Variants in LNPK observed in about 807,000 individuals in gnomAD.
LNPK encodes endoplasmic reticulum junction formation protein lunapark.
A neutral mutation model predicts 55.2 loss-of-function variants in LNPK; 29 were observed. That is an observed-to-expected ratio of 0.53 (90% CI 0.39 to 0.72). The LOEUF (loss-of-function observed/expected upper bound fraction) is 0.72, where lower values mean the gene tolerates loss of function less well. LNPK is among the 30% of genes least tolerant of loss of function. The probability of loss-of-function intolerance (pLI) is 0.00; values close to 1 mark genes in which losing one functional copy is unlikely to be tolerated. For missense variants in LNPK, 467 were observed against 494.8 expected, an observed-to-expected ratio of 0.94 and a Z score of 0.53; for synonymous variants, 162 against 168.2, an observed-to-expected ratio of 0.96 and a Z score of 0.29.
chr2:175,932,745 A>C (rs1191267284), intron 12 of LNPK, among the ~76,000 whole-genome samples: 2 of 152,234 alleles, frequency 1.3e-5, no homozygotes, highest in Non-Finnish European at 2.9e-5. Context: ...AAGATTATTT[A>C]ATGTGTTACA....
intron 4 of LNPK, among the ~76,000 whole-genome samples, chr2:175,985,333 C>A (rs1047167204): frequency 2.6e-5 from 4 of 152,082 alleles, no homozygotes; most frequent in Non-Finnish European, 5.9e-5. Context: ...AATATAAAAC[C>A]CACTCAAAGG....
chr2:175,933,403 T>C (rs1163636485), intron 12 of LNPK, among the ~76,000 whole-genome samples: 1 of 152,200 alleles, frequency 6.6e-6, no homozygotes, highest in African/African-American at 2.4e-5. Flanking sequence ...CAACTTCATA[T>C]ATTTTTGCCT....
chr2:175,924,485 A>AT lies in LNPK; in HGVS notation c.*5481dup, dbSNP rs35213265. The AT allele has an allele frequency of 6.6e-6, 1 of 152,152 alleles. No homozygotes were observed. Among genetic ancestry groups the AT allele is most frequent in the African/African-American group, 2.4e-5 (1 of 41,434 alleles). The allele number at this position is 152,152 out of a possible 1,614,324, so 9.4% of individuals were successfully genotyped here. On this transcript the variant is annotated 3_prime_UTR_variant, in exon 13 of 13. Coordinates refer to ENST00000272748, the MANE Select transcript of LNPK (RefSeq NM_030650.3). ...AAACTTTATGTAACCTTCAGGTTGTATTTTTTAAATAACCTTAAATGCTGA... is the reference window on the plus strand; with the variant it reads ...AAACTTTATGTAACCTTCAGGTTGTATTTTTTTAAATAACCTTAAATGCTGA...
intron 1 of LNPK, among the ~76,000 whole-genome samples, chr2:176,000,732 T>C (rs1269579946): frequency 6.6e-6 from 1 of 152,208 alleles, no homozygotes; most frequent in Admixed American, 6.5e-5. Flanking sequence ...TATTATACTA[T>C]ACAATTGAAG....
At chr2:175,997,111 G>A (rs1023942371) in intron 1 of LNPK, among the ~76,000 whole-genome samples, 1 of 152,080 alleles carries the variant, frequency 6.6e-6, no homozygotes, top group Non-Finnish European at 1.5e-5. Flanking sequence ...AGCTATCTTG[G>A]AGTTTCTCAG....
chr2:175,934,199 T>C (rs912742978), intron 12 of LNPK, among the ~76,000 whole-genome samples: 3 of 152,176 alleles, frequency 2.0e-5, no homozygotes, highest in Non-Finnish European at 4.4e-5. Flanking sequence ...TATAAAAAGA[T>C]TATTTAATGG....
At chr2:175,957,467 C>T (rs754989668) in intron 8 of LNPK, among the ~76,000 whole-genome samples, 14 of 151,722 alleles carry the variant, frequency 9.2e-5, no homozygotes, top group Non-Finnish European at 1.5e-5. Context: ...TGTCAAAAGC[C>T]GACTTCTCCA....
At chr2:175,987,886 A>G (rs930415740) in intron 4 of LNPK, among the ~76,000 whole-genome samples, 5 of 152,232 alleles carry the variant, frequency 3.3e-5, no homozygotes, top group Non-Finnish European at 5.9e-5. Context: ...GAACTTCAAT[A>G]TAATAGAATC....
chr2:175,944,704 T>C (rs924616506), intron 9 of LNPK, among the ~76,000 whole-genome samples: 19 of 152,126 alleles, frequency 1.2e-4, no homozygotes, highest in Non-Finnish European at 2.5e-4. Flanking sequence ...GGTTTCAAAA[T>C]GGCTATGACA....
chr2:175,970,310 A>ATC (rs137979867), intron 6 of LNPK, among the ~76,000 whole-genome samples: 6 of 151,776 alleles, frequency 4.0e-5, no homozygotes, highest in African/African-American at 7.3e-5. Context: ...GAAAACAATT[A>ATC]TCTCTCTCTC....
chr2:175,941,852 A>AAAAAAAAAAAAC (rs1684865902), intron 9 of LNPK, among the ~76,000 whole-genome samples: 1 of 80,690 alleles, frequency 1.2e-5, no homozygotes, highest in Non-Finnish European at 2.5e-5. Flanking sequence ...AAAAAAAAAC[A>AAAAAAAAAAAAC]AAAAAAAAAT....
intron 4 of LNPK, among the ~76,000 whole-genome samples, chr2:175,981,521 CATGTAA>C (rs1574884421): frequency 6.6e-6 from 1 of 151,936 alleles, no homozygotes; most frequent in East Asian, 1.9e-4. Context: ...TTAGCTTTGG[CATGTAA>C]ATTCCTGGAT....
At chr2:175,960,552 T>C (rs1194463174) in intron 8 of LNPK, among the ~76,000 whole-genome samples, 2 of 152,132 alleles carry the variant, frequency 1.3e-5, no homozygotes, top group Non-Finnish European at 2.9e-5. Context: ...TGGGACACAT[T>C]TAAAGCAGCG....
In LNPK at chr2:175,924,444, T is replaced by C. The variant is rs1424145863; in HGVS notation, c.*5523A>G. ...TGGAAATAAAAGTAGACTTATAAGGTCTTATTTTTTAAATGAAACTTTATG... is the reference window on the plus strand; with the variant it reads ...TGGAAATAAAAGTAGACTTATAAGGCCTTATTTTTTAAATGAAACTTTATG... On this transcript the variant is annotated 3_prime_UTR_variant, in exon 13 of 13. Coordinates refer to ENST00000272748, the MANE Select transcript of LNPK (RefSeq NM_030650.3). The C allele has an allele frequency of 2.0e-5, 3 of 152,118 alleles. No homozygotes were observed. The highest frequency in any genetic ancestry group is 2.1e-4 in the South Asian group (1 of 4,824). The allele number at this position is 152,118 out of a possible 1,614,324, so 9.4% of individuals were successfully genotyped here. A position where few individuals can be genotyped will look rare whatever the true frequency, so the allele number is the denominator to read the frequency against.
chr2:175,988,786 C>T (rs187920446), intron 4 of LNPK, among the ~76,000 whole-genome samples: 82 of 152,052 alleles, frequency 5.4e-4, no homozygotes, highest in Non-Finnish European at 9.7e-4. Flanking sequence ...TCTAAAAATT[C>T]CTTTTGAGGT....
upstream of LNPK, chr2:176,002,362 G>T (rs949010444): frequency 4.5e-4 from 173 of 383,736 alleles, 2 homozygotes; most frequent in Non-Finnish European, 1.4e-4. Context: ...TCACGTGACC[G>T]TACCCTGGGC....
chr2:175,923,910 ATT>A lies in LNPK; in HGVS notation c.*6055_*6056del, dbSNP rs565546287. 112 of 152,300 alleles carry A rather than the reference ATT, an allele frequency of 7.4e-4. No homozygotes were observed. Among genetic ancestry groups the A allele is most frequent in the African/African-American group, 2.4e-3 (100 of 41,582 alleles). 9.4% of individuals were successfully genotyped at this position (152,300 alleles called of 1,614,324 possible). A position where few individuals can be genotyped will look rare whatever the true frequency, so the allele number is the denominator to read the frequency against. Reference sequence around the variant, plus strand: ...GGTTTTCATTCTGTACTCAATTTTTATTCTTGTTTGTATTCTAACAAATGTAC... The same window carrying A: ...GGTTTTCATTCTGTACTCAATTTTTACTTGTTTGTATTCTAACAAATGTAC... On this transcript the variant is annotated 3_prime_UTR_variant, in exon 13 of 13. Coordinates refer to ENST00000272748, the MANE Select transcript of LNPK (RefSeq NM_030650.3).
chr2:175,941,790 C>CAAAAAAAAA (rs59162981), intron 9 of LNPK, among the ~76,000 whole-genome samples: 10 of 51,920 alleles, frequency 1.9e-4, no homozygotes, highest in Admixed American at 5.3e-4. Context: ...GATTCCATCT[C>CAAAAAAAAA]AAAAAAAAAA....
chr2:176,002,301 G>A (rs1339127310), upstream of LNPK: 2 of 433,062 alleles, frequency 4.6e-6, no homozygotes, highest in African/African-American at 2.1e-5. Context: ...GAAACCCCGC[G>A]CTCCAGCCGC....
Sources: allele counts gnomAD v4.1 joint callset (sites outside exome capture counted in the v4.1 genomes callset), GRCh38; gene constraint gnomAD v4.1.1; transcripts MANE v1.5; gene names NCBI Gene and HGNC (gene_info 2026-07-23, HGNC 2026-07-21).